APPL1: variants seen among roughly 807,000 people sequenced by gnomAD.
APPL1 encodes adaptor protein, phosphotyrosine interacting with PH domain and leucine zipper 1.
Under a neutral mutation model 106.8 loss-of-function variants are expected in APPL1, and 42 were observed. The ratio of observed to expected loss-of-function variants is 0.39; its 90% CI spans 0.31 to 0.51. The LOEUF (loss-of-function observed/expected upper bound fraction) is 0.51. Among genes scored for constraint, APPL1 ranks in the 20% least tolerant of loss-of-function variants. The probability of loss-of-function intolerance (pLI) is 0.75; values close to 1 mark genes in which losing one functional copy is unlikely to be tolerated. For missense variants in APPL1, 769 were observed against 858.2 expected (o/e 0.90, Z 1.30); for synonymous variants, 263 against 281.8 (o/e 0.93, Z 0.67).
chr3:57,227,978 C>T (rs998797464), intron 1 of APPL1, 41 bp downstream of exon 1: 1 of 1,397,418 alleles, frequency 7.2e-7, no homozygotes, highest in Admixed American at 2.4e-5. Flanking sequence ...GAGAGCCCAG[C>T]TGGCCGACCC....
intron 15 of APPL1, among the ~76,000 whole-genome samples, chr3:57,258,441 T>G (rs2060848759): frequency 6.6e-6 from 1 of 152,228 alleles, no homozygotes; most frequent in Non-Finnish European, 1.5e-5. Flanking sequence ...ATTACAGGTG[T>G]GAGCCACAAT....
intron 11 of APPL1, among the ~76,000 whole-genome samples, chr3:57,251,050 G>T (rs1246353595): frequency 3.4e-5 from 5 of 147,458 alleles, no homozygotes; most frequent in African/African-American, 9.8e-5. Flanking sequence ...CTCGTGATCC[G>T]CCCGCCTCGG....
Position 57,227,892 on chromosome 3 carries a change from G to A in APPL1, c.9G>A (p.Gly3=), listed in dbSNP as rs571175742. ...GCCCTCCCTCCGCCACGATGCCGGGGATCGACAAGCTGCCCATCGAGGAGA... is the reference window on the plus strand; with the variant it reads ...GCCCTCCCTCCGCCACGATGCCGGGAATCGACAAGCTGCCCATCGAGGAGA... MP[G]IDKLPIEETL... The change falls in exon 1 of 22, where the codon GGG becomes GGA. Residue 3 remains glycine, a synonymous_variant. Coordinates refer to ENST00000288266, the MANE Select transcript of APPL1 (RefSeq NM_012096.3). The A allele has an allele frequency of 2.9e-4, 421 of 1,469,316 alleles. 5 individuals are homozygous for A. The South Asian group carries it at 5.2e-3, about 18-fold the overall frequency. The allele number at this position is 1,469,316 out of a possible 1,614,324, so 91.0% of individuals were successfully genotyped here.
chr3:57,231,764 C>T (rs1386512279), intron 1 of APPL1, among the ~76,000 whole-genome samples: 4 of 149,158 alleles, frequency 2.7e-5, no homozygotes, highest in East Asian at 2.0e-4. Flanking sequence ...GCTATGATCA[C>T]ACCACTGCAC....
chr3:57,272,260 T>A lies in APPL1; in HGVS notation c.*2573T>A, dbSNP rs1475132466. 6.6e-6 allele frequency: 1 copy of A among 152,208 alleles called. No homozygotes were observed. The highest frequency in any genetic ancestry group is 2.4e-5 in the African/African-American group (1 of 41,456). 9.4% of individuals were successfully genotyped at this position (152,208 alleles called of 1,614,324 possible). On this transcript the variant is annotated 3_prime_UTR_variant, in exon 22 of 22. Coordinates refer to ENST00000288266, the MANE Select transcript of APPL1 (RefSeq NM_012096.3). ...AGGAAACCAGTTATTCCTTCTACCT[T>A]TAAAAATTTTGAGAACTTGCCAACC...
intron 5 of APPL1, among the ~76,000 whole-genome samples, chr3:57,241,653 G>A (rs2060747276): frequency 1.3e-5 from 2 of 152,166 alleles, no homozygotes; most frequent in Non-Finnish European, 2.9e-5. Flanking sequence ...TACTAATTGT[G>A]GTTGTGATCC....
At chr3:57,251,031 T>A (rs1306304020) in intron 11 of APPL1, among the ~76,000 whole-genome samples, 3 of 147,658 alleles carry the variant, frequency 2.0e-5, no homozygotes, top group African/African-American at 7.4e-5. Flanking sequence ...ATGGTCTCGA[T>A]CTCCTGACCT....
chr3:57,258,695 A>T (rs1214191388), intron 15 of APPL1: 2 of 194,880 alleles, frequency 1.0e-5, no homozygotes, highest in African/African-American at 4.6e-5. Flanking sequence ...TTTCTCAAGC[A>T]ACTAAGATTG....
intron 18 of APPL1, 181 bp downstream of exon 18, chr3:57,260,334 A>G: frequency 1.6e-6 from 1 of 634,862 alleles, no homozygotes; most frequent in Non-Finnish European, 2.5e-6. Context: ...CATTTTATGT[A>G]ACTTAAAAGA....
intron 1 of APPL1, among the ~76,000 whole-genome samples, chr3:57,231,468 A>T (rs1371011492): frequency 6.6e-6 from 1 of 151,610 alleles, no homozygotes; most frequent in Non-Finnish European, 1.5e-5. Context: ...ACCAGGCCCT[A>T]AAAGTTTTTT....
intron 20 of APPL1, chr3:57,268,079 C>T (rs1002552062): frequency 1.0e-5 from 5 of 491,876 alleles, no homozygotes; most frequent in Admixed American, 3.7e-5. Flanking sequence ...GGCAACAGAG[C>T]GAGACTGTAT....
At chr3:57,240,902 T>C (rs2060743030) in intron 5 of APPL1, among the ~76,000 whole-genome samples, 1 of 152,088 alleles carries the variant, frequency 6.6e-6, no homozygotes, top group African/African-American at 2.4e-5. Context: ...CATTGAACAG[T>C]GAAGAGGAAT....
intron 21 of APPL1, 113 bp from the exon 22 acceptor site, chr3:57,269,428 A>G: frequency 9.6e-7 from 1 of 1,046,678 alleles, no homozygotes; most frequent in South Asian, 2.0e-5. Flanking sequence ...TGTCAGAAGT[A>G]TGCATACATA....
chr3:57,267,549 G>A (rs1330515988), intron 19 of APPL1, among the ~76,000 whole-genome samples, 193 bp from the exon 20 acceptor site: 1 of 152,206 alleles, frequency 6.6e-6, no homozygotes, highest in Non-Finnish European at 1.5e-5. Context: ...AGAGTCAGCA[G>A]TGGAATCCTG....
At chr3:57,256,255 G>A (rs2060835615) in intron 13 of APPL1, among the ~76,000 whole-genome samples, 1 of 152,132 alleles carries the variant, frequency 6.6e-6, no homozygotes, top group Non-Finnish European at 1.5e-5. Flanking sequence ...AATTTACCAT[G>A]TTAACCATTT....
intron 21 of APPL1, 34 bp from the exon 22 acceptor site, chr3:57,269,507 A>T (rs767628186): frequency 1.1e-5 from 18 of 1,609,092 alleles, no homozygotes; most frequent in Non-Finnish European, 5.9e-6. Context: ...ACTGCAGACA[A>T]GTAACTTAGT....
Position 57,268,679 on chromosome 3 carries a change from G to A in APPL1, c.1983+192G>A, listed in dbSNP as rs186407494. The A allele has an allele frequency of 6.0e-5, 26 of 435,010 alleles. 1 individual carries two copies. Among genetic ancestry groups the A allele is most frequent in the Non-Finnish European group, 4.9e-5 (13 of 266,326 alleles). 26.9% of individuals were successfully genotyped at this position (435,010 alleles called of 1,614,324 possible). On this transcript the variant is annotated intron_variant, in intron 21 of 21. Transcript: ENST00000288266. ...GATATGATGTTTACATTATAGTTAC[G>A]TTGACATGTAATATGACTGTTTCAA...
chr3:57,236,104 G>A (rs1456934153), intron 2 of APPL1, among the ~76,000 whole-genome samples: 5 of 148,142 alleles, frequency 3.4e-5, no homozygotes, highest in Non-Finnish European at 7.4e-5. Flanking sequence ...GAGTGCAGTA[G>A]TGTGATCTTG....
intron 1 of APPL1, among the ~76,000 whole-genome samples, chr3:57,233,986 A>G (rs1317585720): frequency 6.6e-6 from 1 of 152,006 alleles, no homozygotes. Flanking sequence ...TGGGAGGCTG[A>G]GGTGGGAGGA....
Sources: gnomAD v4.1 joint callset for allele counts (sites outside exome capture counted in the v4.1 genomes callset) on GRCh38, gnomAD v4.1.1 for gene constraint, MANE v1.5 for transcripts, NCBI Gene and HGNC (gene_info 2026-07-23, HGNC 2026-07-21) for gene names.